The following BBS9 variants were observed in gnomAD, a reference collection of about 807,000 sequenced individuals.
BBS9 encodes the protein protein PTHB1.
BBS9 carries 89 observed loss-of-function variants against 117.7 expected under a neutral mutation model. That is an observed-to-expected ratio of 0.76 (90% CI 0.64 to 0.90). BBS9 has a LOEUF of 0.90. BBS9 is among the 40% of genes least tolerant of loss of function. The probability of loss-of-function intolerance (pLI) is 0.00; values close to 1 mark genes in which losing one functional copy is unlikely to be tolerated. For missense variants in BBS9, 982 were observed against 1,042.2 expected (o/e 0.94, Z 0.80); for synonymous variants, 379 against 370.9 (o/e 1.02, Z -0.25).
In BBS9 at chr7:33,486,557, C is replaced by T. The variant is rs76943796; in HGVS notation, c.2116-18906C>T. Among the ~76,000 whole-genome samples, 39 of 152,276 alleles carry T rather than the reference C, an allele frequency of 2.6e-4. 1 individual carries two copies. The East Asian group carries it at 7.1e-3, about 28-fold the overall frequency. On this transcript the variant is annotated intron_variant, in intron 19 of 22. Transcript: ENST00000242067. ...AAAATTGTATCATTTCATATTTTTA[C>T]ATATTCAGAGATCCTTGCTAACTTT...
At chr7:33,176,091 C>CT (rs973266879) in intron 4 of BBS9, among the ~76,000 whole-genome samples, 5 of 151,934 alleles carry the variant, frequency 3.3e-5, no homozygotes, top group Admixed American at 6.6e-5. Context: ...GGGAGGGAGA[C>CT]TTTTTTTTAT....
intron 16 of BBS9, 127 bp downstream of exon 16, chr7:33,358,122 C>T: frequency 7.9e-7 from 1 of 1,263,804 alleles, no homozygotes; most frequent in Non-Finnish European, 1.1e-6. Context: ...AAAAATGCCT[C>T]AAGGATTTTT....
intron 13 of BBS9, among the ~76,000 whole-genome samples, chr7:33,349,542 C>G (rs1422394213): frequency 6.6e-6 from 1 of 152,090 alleles, no homozygotes; most frequent in Admixed American, 6.5e-5. Flanking sequence ...TCAAGTGATC[C>G]TCCCACCTCA....
chr7:33,155,552 G>A (rs544113025), intron 3 of BBS9, 86 bp from the exon 4 acceptor site: 3 of 845,772 alleles, frequency 3.5e-6, no homozygotes, highest in Admixed American at 4.0e-5. Context: ...CTGTGGTTAT[G>A]AGATCTTTTT....
At chr7:33,572,417 C>G (rs530724638) in intron 21 of BBS9, among the ~76,000 whole-genome samples, 26 of 152,214 alleles carry the variant, frequency 1.7e-4, no homozygotes, top group African/African-American at 5.3e-4. Context: ...ATGCAGATCT[C>G]TCTTCAATAT....
At chr7:33,319,689 A>G (rs12056065) in intron 9 of BBS9, among the ~76,000 whole-genome samples, 25,656 of 152,218 alleles carry the variant, frequency 0.17, 2,393 homozygotes, top group South Asian at 0.21. Context: ...AAATGCAACA[A>G]AAACAAAGAT....
chr7:33,577,915 T>G (rs1859209199), intron 21 of BBS9, among the ~76,000 whole-genome samples: 2 of 151,150 alleles, frequency 1.3e-5, no homozygotes, highest in South Asian at 2.1e-4. Context: ...GATTGAGGAG[T>G]AGAGGAGGAA....
chr7:33,318,731 C>A (rs571673027), intron 9 of BBS9, among the ~76,000 whole-genome samples: 2 of 152,202 alleles, frequency 1.3e-5, no homozygotes, highest in East Asian at 3.9e-4. Context: ...CCCTCACCCC[C>A]CTTCCTCTCC....
intron 19 of BBS9, among the ~76,000 whole-genome samples, chr7:33,463,652 T>C (rs1441633264): frequency 6.6e-6 from 1 of 152,114 alleles, no homozygotes; most frequent in African/African-American, 2.4e-5. Context: ...ACAATCGGGT[T>C]TATAGCAACC....
At chr7:33,154,986 T>C (rs1467456493) in intron 3 of BBS9, among the ~76,000 whole-genome samples, 2 of 152,222 alleles carry the variant, frequency 1.3e-5, no homozygotes, top group African/African-American at 2.4e-5. Flanking sequence ...CCTGGCTTGA[T>C]CCTTGAAAAC....
At chr7:33,182,018 C>T (rs545383354) in intron 5 of BBS9, among the ~76,000 whole-genome samples, 1 of 152,140 alleles carries the variant, frequency 6.6e-6, no homozygotes, top group South Asian at 2.1e-4. Flanking sequence ...ACCCAGGAGG[C>T]GGAGCTTGCA....
At chr7:33,163,663 G>T (rs1795217683) in intron 4 of BBS9, among the ~76,000 whole-genome samples, 1 of 152,082 alleles carries the variant, frequency 6.6e-6, no homozygotes, top group African/African-American at 2.4e-5. Flanking sequence ...ATTTCTGTGA[G>T]ATCAGTGGTG....
intron 5 of BBS9, among the ~76,000 whole-genome samples, chr7:33,248,645 T>C (rs1795742414): frequency 1.3e-5 from 2 of 152,210 alleles, no homozygotes; most frequent in African/African-American, 4.8e-5. Context: ...TTTATGTCTT[T>C]GTTCATAGCA....
intron 9 of BBS9, among the ~76,000 whole-genome samples, chr7:33,303,517 T>A (rs1584208340): frequency 1.5e-5 from 1 of 66,354 alleles, no homozygotes; most frequent in African/African-American, 6.5e-5. Flanking sequence ...ACTGAAATGA[T>A]CCCCTCCCCC....
chr7:33,422,729 A>G (rs1323359398), intron 19 of BBS9, among the ~76,000 whole-genome samples: 1 of 152,180 alleles, frequency 6.6e-6, no homozygotes. Flanking sequence ...TCAGATTTTT[A>G]AAGAAAAGTA....
intron 9 of BBS9, among the ~76,000 whole-genome samples, chr7:33,276,490 G>A (rs1800787130): frequency 6.6e-6 from 1 of 152,170 alleles, no homozygotes; most frequent in Non-Finnish European, 1.5e-5. Flanking sequence ...TCATGCTGCG[G>A]TTTAGGTTAT....
chr7:33,538,234 G>A lies in BBS9; in HGVS notation c.2521+4058G>A, dbSNP rs546237920. On this transcript the variant is annotated intron_variant, in intron 21 of 22. Transcript: ENST00000242067. ...AGCCAAGAGGAGGGAGTAAAAGGAA[G>A]CAAAGAAGATTTGATAAATAAGATT... is the stretch of plus-strand genomic sequence containing the variant. 3.9e-5 allele frequency among the ~76,000 whole-genome samples: 6 copies of A among 152,296 alleles called. No homozygotes were observed. The East Asian group carries it at 1.2e-3, about 29-fold the overall frequency.
chr7:33,472,653 C>T (rs1479488842), intron 19 of BBS9, among the ~76,000 whole-genome samples: 4 of 152,102 alleles, frequency 2.6e-5, no homozygotes, highest in East Asian at 1.9e-4. Flanking sequence ...TAGAATACAT[C>T]GACAAGCAGA....
At position 33,383,797 on chromosome 7, in the gene BBS9, C is replaced by T; in HGVS notation, c.1921C>T (p.Pro641Ser). ...DFACSFSGSI[P>S]LQEYFELIDH... is the part of the protein sequence containing the mutation. ...TGCATGTTCTTTTTCGGGATCTATA[C>T]CCCTTCAAGAATATTTTGAGTTGAT... The change falls in exon 18 of 23, where the codon CCC becomes TCC. Residue 641 changes from proline to serine, a missense_variant. Transcript: ENST00000242067. 1.2e-6 allele frequency: 2 copies of T among 1,612,654 alleles called. No homozygotes were observed. The highest frequency in any genetic ancestry group is 1.7e-6 in the Non-Finnish European group (2 of 1,179,890).
Sources: gnomAD v4.1 joint callset for allele counts (sites outside exome capture counted in the v4.1 genomes callset) on GRCh38, gnomAD v4.1.1 for gene constraint, MANE v1.5 for transcripts, NCBI Gene and HGNC (gene_info 2026-07-23, HGNC 2026-07-21) for gene names.